Variants in MTA3 observed in about 807,000 individuals in gnomAD.
MTA3 encodes metastasis-associated protein MTA3.
Under a neutral mutation model 83.5 loss-of-function variants are expected in MTA3, and 34 were observed. That is an observed-to-expected ratio of 0.41 (90% CI 0.31 to 0.54). The LOEUF (loss-of-function observed/expected upper bound fraction) is 0.54, where lower values mean the gene tolerates loss of function less well. Among genes scored for constraint, MTA3 ranks in the 20% least tolerant of loss-of-function variants. The probability of loss-of-function intolerance (pLI) is 0.33; values close to 1 mark genes in which losing one functional copy is unlikely to be tolerated. For synonymous variants in MTA3, 303 were observed against 252.7 expected, an observed-to-expected ratio of 1.20 and a Z score of -1.89; for missense variants, 761 against 726.4, an observed-to-expected ratio of 1.05 and a Z score of -0.55.
At chr2:42,556,108 C>G (rs1677379182) in intron 2 of MTA3, among the ~76,000 whole-genome samples, 1 of 150,928 alleles carries the variant, frequency 6.6e-6, no homozygotes, top group Non-Finnish European at 1.5e-5. Context: ...AAAAAACAAA[C>G]AAAAAAAGAG....
At chr2:42,518,136 G>A (rs1395529960) in intron 2 of MTA3, among the ~76,000 whole-genome samples, 1 of 151,314 alleles carries the variant, frequency 6.6e-6, no homozygotes, top group African/African-American at 2.4e-5. Context: ...AGCCGAGATC[G>A]CACCATTGCA....
rs190726801 is a variant in MTA3 at position 42,724,985 on chromosome 2, C to A, written c.1759+1950C>A. ...CCTTCAGCCTTTTTGGGGGAAAGAC[C>A]CATCTTATTTTCTGAAGAGACTTAG... On this transcript the variant is annotated intron_variant, in intron 16 of 16. Coordinates refer to ENST00000405094, the MANE Select transcript of MTA3 (RefSeq NM_001330442.2). Among the ~76,000 whole-genome samples the A allele has an allele frequency of 3.3e-5, 5 of 152,268 alleles. No homozygotes were observed. In the East Asian group the frequency reaches 9.6e-4, roughly 29 times the overall value.
At chr2:42,527,052 CAA>C (rs34030475) in intron 2 of MTA3, among the ~76,000 whole-genome samples, 4 of 45,322 alleles carry the variant, frequency 8.8e-5, no homozygotes, top group African/African-American at 2.7e-4. Flanking sequence ...GACTCTGTCT[CAA>C]AAAAAAAAAA....
intron 3 of MTA3, among the ~76,000 whole-genome samples, chr2:42,592,001 C>T (rs533401269): frequency 3.2e-4 from 48 of 151,950 alleles, no homozygotes; most frequent in South Asian, 8.4e-4. Flanking sequence ...TAGTGGCTCA[C>T]GCCTGTAATC....
chr2:42,539,025 C>T (rs1342923580), intron 2 of MTA3, among the ~76,000 whole-genome samples: 4 of 151,916 alleles, frequency 2.6e-5, no homozygotes, highest in African/African-American at 7.2e-5. Context: ...CCACCCGCCT[C>T]GGCCTCCCAA....
intron 2 of MTA3, among the ~76,000 whole-genome samples, chr2:42,559,501 CAAA>C (rs543291273): frequency 5.6e-5 from 6 of 106,570 alleles, no homozygotes; most frequent in Admixed American, 1.0e-4. Flanking sequence ...GACCTTGTCT[CAAA>C]AAAAAAAAAA....
chr2:42,592,743 C>T lies in MTA3; in HGVS notation c.190+13543C>T, dbSNP rs1344141672. On this transcript the variant is annotated intron_variant, in intron 3 of 16. Coordinates refer to ENST00000405094, the MANE Select transcript of MTA3 (RefSeq NM_001330442.2). ...AGGTCTTCAGGAACAGTAACACACACGGAGCTATCATCTTTGATAACAATT... is the reference window on the plus strand; with the variant it reads ...AGGTCTTCAGGAACAGTAACACACATGGAGCTATCATCTTTGATAACAATT... Among the ~76,000 whole-genome samples the T allele has an allele frequency of 5.9e-5, 9 of 152,292 alleles. No homozygotes were observed. The East Asian group carries it at 1.3e-3, about 23-fold the overall frequency.
At chr2:42,659,968 C>T (rs1268638599) in intron 8 of MTA3, 106 bp downstream of exon 8, 1 of 661,614 alleles carries the variant, frequency 1.5e-6, no homozygotes, top group African/African-American at 1.9e-5. Context: ...GGCTCTTAGC[C>T]TTCCTGACTG....
intron 3 of MTA3, among the ~76,000 whole-genome samples, chr2:42,601,212 A>T (rs1043813738): frequency 2.0e-5 from 3 of 152,004 alleles, no homozygotes; most frequent in Non-Finnish European, 2.9e-5. Flanking sequence ...CCCATTTTTT[A>T]TTATTATAAA....
At chr2:42,512,773 C>A (rs537132420) in intron 2 of MTA3, among the ~76,000 whole-genome samples, 51 of 152,284 alleles carry the variant, frequency 3.3e-4, no homozygotes, top group African/African-American at 1.2e-3. Flanking sequence ...ACCTCAGTAA[C>A]AACAGATACT....
At chr2:42,531,679 CTGACCT>C (rs1019771499) in intron 2 of MTA3, among the ~76,000 whole-genome samples, 95 of 151,718 alleles carry the variant, frequency 6.3e-4, no homozygotes, top group Non-Finnish European at 1.6e-4. Flanking sequence ...TCTCAAACTC[CTGACCT>C]TGTGATCTGT....
intron 2 of MTA3, among the ~76,000 whole-genome samples, chr2:42,558,696 C>T (rs545498253): frequency 2.2e-4 from 33 of 151,456 alleles, no homozygotes; most frequent in African/African-American, 7.5e-4. Context: ...TACATGCACA[C>T]GCTGCCACGC....
chr2:42,511,353 CAAA>C (rs368131308), intron 2 of MTA3, among the ~76,000 whole-genome samples: 6 of 129,216 alleles, frequency 4.6e-5, no homozygotes, highest in Admixed American at 7.8e-5. Context: ...CTTTCTACGT[CAAA>C]AAAAAAAAAA....
At chr2:42,622,801 G>C (rs1423604264) in intron 4 of MTA3, among the ~76,000 whole-genome samples, 1 of 152,094 alleles carries the variant, frequency 6.6e-6, no homozygotes, top group Non-Finnish European at 1.5e-5. Flanking sequence ...CTCCATGTAA[G>C]AGAATCTTGA....
intron 2 of MTA3, among the ~76,000 whole-genome samples, chr2:42,578,898 A>G (rs569174172): frequency 1.3e-5 from 2 of 152,212 alleles, no homozygotes; most frequent in African/African-American, 4.8e-5. Flanking sequence ...CAGTGTTATT[A>G]TATGTTTGAC....
At chr2:42,673,449 CA>C (rs1442531556) in intron 8 of MTA3, among the ~76,000 whole-genome samples, 14 of 152,112 alleles carry the variant, frequency 9.2e-5, no homozygotes, top group African/African-American at 3.1e-4. Context: ...ATGATATTTT[CA>C]ACCTATGATG....
intron 6 of MTA3, among the ~76,000 whole-genome samples, chr2:42,644,960 A>G (rs967787023): frequency 2.0e-5 from 3 of 152,148 alleles, no homozygotes; most frequent in Non-Finnish European, 2.9e-5. Flanking sequence ...GTGGCCGGTA[A>G]GTGTTCAAGT....
intron 3 of MTA3, among the ~76,000 whole-genome samples, chr2:42,603,128 T>TG (rs1682791160): frequency 1.4e-5 from 2 of 144,508 alleles, no homozygotes; most frequent in East Asian, 2.0e-4. Flanking sequence ...TTTTTTTTGC[T>TG]GGGGGTAGGG....
chr2:42,640,098 T>C lies in MTA3; in HGVS notation c.318-75T>C, dbSNP rs545753363. The stretch of plus-strand genomic sequence containing the variant: ...GTTTCTTAATACCAGTCTCACATTC[T>C]TAACTTTGTATTTCTCATCACTGAG... On this transcript the variant is annotated intron_variant, in intron 4 of 16. Coordinates refer to ENST00000405094, the MANE Select transcript of MTA3 (RefSeq NM_001330442.2). 1,463 of 1,122,972 alleles carry C rather than the reference T, an allele frequency of 1.3e-3. 3 individuals carry two copies. The highest frequency in any genetic ancestry group is 1.5e-3 in the Admixed American group (69 of 44,868). 69.6% of individuals were successfully genotyped at this position (1,122,972 alleles called of 1,614,324 possible). A position where few individuals can be genotyped will look rare whatever the true frequency, so the allele number is the denominator to read the frequency against.
Sources: gnomAD v4.1 joint callset for allele counts (sites outside exome capture counted in the v4.1 genomes callset) on GRCh38, gnomAD v4.1.1 for gene constraint, MANE v1.5 for transcripts, NCBI Gene and HGNC (gene_info 2026-07-23, HGNC 2026-07-21) for gene names.